The following ELAVL4 variants were observed in gnomAD, a reference collection of about 807,000 sequenced individuals.
ELAVL4 encodes the protein ELAV like RNA binding protein 4, also known as ELAV-like protein 4.
ELAVL4 carries 1 observed loss-of-function variant against 35.6 expected under a neutral mutation model. The observed-to-expected ratio is 0.03, with a 90% CI of 0.01 to 0.13. ELAVL4 has a LOEUF of 0.13. Among genes scored for constraint, ELAVL4 ranks in the 10% least tolerant of loss-of-function variants. The pLI is 1.00. For missense variants in ELAVL4, 267 were observed against 464.9 expected (o/e 0.57, Z 3.91); for synonymous variants, 156 against 171.0 (o/e 0.91, Z 0.69).
At chr1:50,058,055 G>C (rs1172885096) in intron 1 of ELAVL4, among the ~76,000 whole-genome samples, 1 of 152,204 alleles carries the variant, frequency 6.6e-6, no homozygotes, top group Non-Finnish European at 1.5e-5. Context: ...AAGGAAGCTT[G>C]AGTTATTTTT....
At chr1:50,050,996 A>G (rs901859585) in intron 1 of ELAVL4, among the ~76,000 whole-genome samples, 1 of 152,184 alleles carries the variant, frequency 6.6e-6, no homozygotes, top group Non-Finnish European at 1.5e-5. Flanking sequence ...AATCAACACT[A>G]TATAGATTAT....
intron 1 of ELAVL4, among the ~76,000 whole-genome samples, chr1:50,093,859 T>C (rs1321529302): frequency 6.6e-6 from 1 of 152,252 alleles, no homozygotes; most frequent in African/African-American, 2.4e-5. Flanking sequence ...CAGTAAATAC[T>C]CTGTGAATAT....
At chr1:50,188,232 C>T (rs1682130079) in intron 3 of ELAVL4, among the ~76,000 whole-genome samples, 1 of 152,192 alleles carries the variant, frequency 6.6e-6, no homozygotes, top group Non-Finnish European at 1.5e-5. Context: ...ACTTCCAGCA[C>T]CAAATTTCTG....
At chr1:50,099,122 A>G (rs909946351), upstream of ELAVL4, among the ~76,000 whole-genome samples, 1 of 152,228 alleles carries the variant, frequency 6.6e-6, no homozygotes, top group Admixed American at 6.5e-5. Context: ...TTGGTTCAAA[A>G]GTTTTTCTGA....
At chr1:50,119,728 C>T (rs188282905) in intron 1 of ELAVL4, among the ~76,000 whole-genome samples, 1 of 151,996 alleles carries the variant, frequency 6.6e-6, no homozygotes, top group East Asian at 2.0e-4. Context: ...AGAACAAGTT[C>T]GCATTCTAGA....
At chr1:50,156,682 A>G (rs1177743887) in intron 2 of ELAVL4, among the ~76,000 whole-genome samples, 3 of 152,200 alleles carry the variant, frequency 2.0e-5, no homozygotes, top group African/African-American at 7.2e-5. Context: ...CCCCTTATTT[A>G]GACAAGGAAA....
intron 3 of ELAVL4, among the ~76,000 whole-genome samples, chr1:50,178,076 C>T (rs776288918): frequency 1.3e-5 from 2 of 152,188 alleles, no homozygotes; most frequent in African/African-American, 2.4e-5. Context: ...TGGAGCCTGC[C>T]TCCTCCTCGG....
chr1:50,119,002 G>A (rs1039445275), intron 1 of ELAVL4, among the ~76,000 whole-genome samples: 2 of 138,960 alleles, frequency 1.4e-5, no homozygotes, highest in African/African-American at 2.7e-5. Context: ...GAGAGACAGA[G>A]AGAAAGAAAG....
At chr1:50,112,253 AT>A (rs982587086) in intron 1 of ELAVL4, among the ~76,000 whole-genome samples, 2 of 152,026 alleles carry the variant, frequency 1.3e-5, no homozygotes, top group African/African-American at 4.8e-5. Context: ...AAAAAATAGA[AT>A]TTTTTTAAGT....
intron 3 of ELAVL4, among the ~76,000 whole-genome samples, chr1:50,186,032 C>T (rs912236336): frequency 1.3e-5 from 2 of 152,010 alleles, no homozygotes; most frequent in Non-Finnish European, 2.9e-5. Flanking sequence ...GAACTTAGTA[C>T]GTACTAAGTA....
chr1:50,115,699 T>G (rs904453186), intron 1 of ELAVL4, among the ~76,000 whole-genome samples: 1 of 152,166 alleles, frequency 6.6e-6, no homozygotes, highest in Non-Finnish European at 1.5e-5. Flanking sequence ...GCATTGAATC[T>G]TCTCCTGCTT....
At chr1:50,162,752 T>A (rs1677027312) in intron 2 of ELAVL4, among the ~76,000 whole-genome samples, 2 of 152,084 alleles carry the variant, frequency 1.3e-5, no homozygotes, top group Non-Finnish European at 2.9e-5. Context: ...CCCAGCTAAT[T>A]TTTGTACTTT....
intron 2 of ELAVL4, among the ~76,000 whole-genome samples, chr1:50,154,048 G>A (rs1298681064): frequency 6.6e-6 from 1 of 152,202 alleles, no homozygotes; most frequent in Non-Finnish European, 1.5e-5. Context: ...AGTAGCCCAA[G>A]CTGCCTAATA....
In ELAVL4 at chr1:50,076,131, C is replaced by T. The variant is rs1399381323; in HGVS notation, c.18+27949C>T. On this transcript the variant is annotated intron_variant, in intron 1 of 6. Coordinates refer to the ELAVL4 transcript ENST00000448907. ...GGCATGAGCCACCGCACCAGGCCAA[C>T]TTATGGTATTTTCAATTGAGATGTA... 3.3e-5 allele frequency among the ~76,000 whole-genome samples: 5 copies of T among 152,066 alleles called. No homozygotes were observed. The East Asian group carries it at 9.7e-4, about 29-fold the overall frequency.
chr1:50,095,459 G>A (rs1393506264), intron 1 of ELAVL4, among the ~76,000 whole-genome samples: 1 of 151,990 alleles, frequency 6.6e-6, no homozygotes, highest in Non-Finnish European at 1.5e-5. Context: ...ATCATCTGAA[G>A]CTACAAATTA....
At chr1:50,058,978 A>G (rs969619877) in intron 1 of ELAVL4, among the ~76,000 whole-genome samples, 3 of 152,166 alleles carry the variant, frequency 2.0e-5, no homozygotes, top group Non-Finnish European at 4.4e-5. Context: ...CCATTTACCC[A>G]GTGGCCCTAG....
chr1:50,141,968 A>G (rs1672895843), intron 1 of ELAVL4: 1 of 152,218 alleles, frequency 6.6e-6, no homozygotes, highest in Non-Finnish European at 1.5e-5. Flanking sequence ...CCATCAGAAG[A>G]TGAAAGAATT....
intron 2 of ELAVL4, among the ~76,000 whole-genome samples, chr1:50,160,325 A>G (rs1676574056): frequency 6.6e-6 from 1 of 152,318 alleles, no homozygotes; most frequent in East Asian, 1.9e-4. Flanking sequence ...CTATTTCTGC[A>G]TGAGTTGTTC....
chr1:50,119,411 G>A lies in ELAVL4; in HGVS notation c.9+10213G>A, dbSNP rs569871608. On this transcript the variant is annotated intron_variant, in intron 1 of 6. Coordinates refer to ENST00000371824, the MANE Select transcript of ELAVL4 (RefSeq NM_001144774.3). ...AAGGACAAAAAAGAAATGATTTACT[G>A]ATTTGAGCAGGCAAATGAGAAGGTT... Among the ~76,000 whole-genome samples, 64 of 152,180 alleles carry A rather than the reference G, an allele frequency of 4.2e-4. 1 individual carries two copies. Among genetic ancestry groups the A allele is most frequent in the African/African-American group, 1.4e-3 (60 of 41,548 alleles).
Sources: allele counts gnomAD v4.1 joint callset (sites outside exome capture counted in the v4.1 genomes callset), GRCh38; gene constraint gnomAD v4.1.1; transcripts MANE v1.5; gene names NCBI Gene and HGNC (gene_info 2026-07-23, HGNC 2026-07-21).